ENO1: variants seen among roughly 807,000 people sequenced by gnomAD.
ENO1 encodes alpha-enolase.
A neutral mutation model predicts 46.3 loss-of-function variants in ENO1; 33 were observed. That is an observed-to-expected ratio of 0.71 (90% CI 0.54 to 0.95). The LOEUF (loss-of-function observed/expected upper bound fraction) is 0.95, where lower values mean the gene tolerates loss of function less well. Ranked by LOEUF, ENO1 falls within the 40% of genes least tolerant of loss-of-function variation. The pLI is 0.00. For synonymous variants in ENO1, 220 were observed against 216.0 expected (o/e 1.02, Z -0.16); for missense variants, 488 against 553.3 (o/e 0.88, Z 1.18).
intron 3 of ENO1, chr1:8,870,743 A>G (rs769465985): frequency 5.8e-5 from 83 of 1,427,102 alleles, no homozygotes; most frequent in Non-Finnish European, 7.4e-5. Flanking sequence ...CAGCTGGCTC[A>G]GAACGATCTG....
intron 1 of ENO1, chr1:8,876,400 TA>T (rs2124110554): frequency 6.6e-6 from 1 of 152,366 alleles, no homozygotes; most frequent in Non-Finnish European, 1.5e-5. Flanking sequence ...TTTTTAGATT[TA>T]ATTTTGCGTT....
intron 8 of ENO1, among the ~76,000 whole-genome samples, chr1:8,864,824 CTG>C (rs1167236283): frequency 4.6e-5 from 7 of 152,190 alleles, no homozygotes; most frequent in African/African-American, 1.7e-4. Flanking sequence ...CCACCATTTG[CTG>C]TGTGCTCTCG....
chr1:8,878,475 G>T (rs1642783838), intron 1 of ENO1, 105 bp downstream of exon 1: 1 of 380,356 alleles, frequency 2.6e-6, no homozygotes, highest in Non-Finnish European at 5.3e-6. Flanking sequence ...ACCCCGCCAC[G>T]CTGGGCCTGC....
intron 2 of ENO1, among the ~76,000 whole-genome samples, chr1:8,872,523 C>A (rs1218127040): frequency 1.5e-5 from 2 of 134,492 alleles, no homozygotes; most frequent in African/African-American, 8.1e-5. Context: ...ACTGGGACTA[C>A]AGCAGCCTGC....
At chr1:8,874,768 T>A (rs1642702451) in intron 2 of ENO1, 56 bp downstream of exon 2, 3 of 1,509,766 alleles carry the variant, frequency 2.0e-6, no homozygotes, top group Admixed American at 4.0e-5. Flanking sequence ...TTGTAGAAAA[T>A]TTTTAAAATG....
chr1:8,866,251 T>A, intron 7 of ENO1, 28 bp downstream of exon 7: 10 of 1,542,926 alleles, frequency 6.5e-6, no homozygotes, highest in Non-Finnish European at 8.8e-6. Flanking sequence ...CAGGGCTGGG[T>A]GGGGGGGCGG....
chr1:8,862,825 C>T (rs763308284), intron 11 of ENO1, 62 bp downstream of exon 11: 1 of 1,582,996 alleles, frequency 6.3e-7, no homozygotes, highest in Non-Finnish European at 8.6e-7. Flanking sequence ...GCAGTGCCTA[C>T]ACTGAGTGCA....
chr1:8,873,043 G>A (rs1642665314), intron 2 of ENO1, among the ~76,000 whole-genome samples: 1 of 152,232 alleles, frequency 6.6e-6, no homozygotes, highest in Non-Finnish European at 1.5e-5. Flanking sequence ...AGTGTTCCCT[G>A]CTGCACTGCA....
At chr1:8,865,943 C>A in intron 7 of ENO1, 1 of 330,920 alleles carries the variant, frequency 3.0e-6, no homozygotes, top group Admixed American at 4.7e-5. Flanking sequence ...GCTAAGCTGC[C>A]CTGCCAGCAG....
chr1:8,874,947 C>T (rs758420499), intron 1 of ENO1, 30 bp from the exon 2 acceptor site: 2 of 1,567,304 alleles, frequency 1.3e-6, no homozygotes, highest in Non-Finnish European at 1.8e-6. Flanking sequence ...TTCATGTTTT[C>T]CATAAGCCAT....
chr1:8,870,364 T>A, intron 4 of ENO1, 88 bp downstream of exon 4: 1 of 1,532,702 alleles, frequency 6.5e-7, no homozygotes, highest in Non-Finnish European at 9.0e-7. Context: ...GCTCTCAGAA[T>A]AAGCTCTTCC....
rs1272655006 is a variant in ENO1, at chr1:8,868,060, A to G, written c.241-3T>C. ...TCTTGTTCTGTGACGTTCAGTTTCT[A>G]CGAGGGAGAGGGGAGAATGAGGGGT... On this transcript the variant is annotated splice_polypyrimidine_tract_variant and splice_region_variant and intron_variant, in intron 4 of 11. Coordinates refer to ENST00000234590, the MANE Select transcript of ENO1 (RefSeq NM_001428.5). The G allele has an allele frequency of 2.5e-6, 4 of 1,613,014 alleles. No homozygotes were observed. The East Asian group carries it at 8.9e-5, about 36-fold the overall frequency.
chr1:8,871,885 G>A lies in ENO1; in HGVS notation c.181+6C>T. 1.2e-6 allele frequency: 2 copies of A among 1,613,414 alleles called. No homozygotes were observed. Among genetic ancestry groups the A allele is most frequent in the Non-Finnish European group, 8.5e-7 (1 of 1,179,840 alleles). On this transcript the variant is annotated splice_donor_region_variant and intron_variant, in intron 3 of 11. Coordinates refer to ENST00000234590, the MANE Select transcript of ENO1 (RefSeq NM_001428.5). ...GAGGCCATGGGCTGTGGGTTCTAAG[G>A]CTTACCCTTCCCCATATAGCGAGTC...
In ENO1 at chr1:8,864,015, C is replaced by G. The variant is rs898817611; in HGVS notation, c.943G>C (p.Val315Leu). The G allele has an allele frequency of 1.9e-6, 3 of 1,614,068 alleles. No individual in the cohort carries two copies. In the African/African-American group the frequency reaches 4.0e-5, roughly 22 times the overall value. Residue 315 changes from valine (V) to leucine (L), a missense_variant, in exon 9 of 12, where the codon GTA (valine) becomes CTA (leucine). Coordinates refer to ENST00000234590, the MANE Select transcript of ENO1 (RefSeq NM_001428.5). Reference protein sequence around the residue: ...QKFTASAGIQVVGDDLTVTNP... With the variant: ...QKFTASAGIQLVGDDLTVTNP... ...GTCACTGTGAGATCATCCCCCACTA[C>G]CTGGATTCCTGCACTGGCTGTGAAC...
Position 8,867,213 on chromosome 1 carries a change from A to G in ENO1, c.348T>C (p.Leu116=). 1.9e-6 allele frequency: 3 copies of G among 1,614,198 alleles called. No individual in the cohort carries two copies. Among genetic ancestry groups the G allele is most frequent in the Non-Finnish European group, 2.5e-6 (3 of 1,180,028 alleles). The change falls in exon 6 of 12, where the codon CTT becomes CTC. Residue 116 remains leucine, a synonymous_variant. Coordinates refer to ENST00000234590, the MANE Select transcript of ENO1 (RefSeq NM_001428.5). The part of the protein sequence containing the change: ...FGANAILGVS[L]AVCKAGAVEK... ...CAACGGCACCAGCTTTGCAGACGGC[A>G]AGGGACACCCCCAGAATGGCGTTCG...
Position 8,871,904 on chromosome 1 carries a change from G to T in ENO1, c.168C>A (p.Arg56=), listed in dbSNP as rs1440458733. 2 of 1,614,016 alleles carry T rather than the reference G, an allele frequency of 1.2e-6. No individual in the cohort carries two copies. Among genetic ancestry groups the T allele is most frequent in the Non-Finnish European group, 1.7e-6 (2 of 1,180,002 alleles). The change falls in exon 3 of 12, where the codon CGC becomes CGA. Residue 56 remains arginine, a synonymous_variant. Transcript: ENST00000234590. Reference sequence around the variant, plus strand: ...TCTAAGGCTTACCCTTCCCCATATAGCGAGTCTTATCATTGTCCCGGAGCT... The same window carrying T: ...TCTAAGGCTTACCCTTCCCCATATATCGAGTCTTATCATTGTCCCGGAGCT... ...ALELRDNDKT[R]YMGKGVSKAV... is the part of the protein sequence containing the mutation.
rs775343507 is a variant in ENO1 at position 8,867,294 on chromosome 1, C to A, written c.311-44G>T. Reference sequence around the variant, plus strand: ...GAGTGGAATGAAGTCATTTCTGATTCACCAGCTTTTCTCCTGCTGTACTGC... The same window carrying A: ...GAGTGGAATGAAGTCATTTCTGATTAACCAGCTTTTCTCCTGCTGTACTGC... On this transcript the variant is annotated intron_variant, in intron 5 of 11. Coordinates refer to ENST00000234590, the MANE Select transcript of ENO1 (RefSeq NM_001428.5). The A allele has an allele frequency of 1.9e-6, 3 of 1,608,324 alleles. No individual in the cohort carries two copies. The Admixed American group carries it at 5.0e-5, about 27-fold the overall frequency.
At chr1:8,862,291 C>T (rs1642420081) in intron 11 of ENO1, among the ~76,000 whole-genome samples, 1 of 152,028 alleles carries the variant, frequency 6.6e-6, no homozygotes, top group African/African-American at 2.4e-5. Flanking sequence ...AGCCCTGCGT[C>T]TACTGTTCAC....
chr1:8,863,913 A>G lies in ENO1; in HGVS notation c.1045T>C (p.Ser349Pro), dbSNP rs1210382416. 6.2e-7 allele frequency: 1 copy of G among 1,613,718 alleles called. No homozygotes were observed. Residue 349 changes from serine (S) to proline (P), a missense_variant, in exon 9 of 12, where the codon TCC (serine) becomes CCC (proline). By Grantham distance (74) the Ser-to-Pro change is moderately conservative. Coordinates refer to ENST00000234590, the MANE Select transcript of ENO1 (RefSeq NM_001428.5). ...TACGCCTGAAGAGACTCGGTCACGG[A>G]GCCAATCTGGTTGACTTTGAGCAGG... is the stretch of plus-strand genomic sequence containing the variant. ...CLLLKVNQIG[S>P]VTESLQACKL... is the part of the protein sequence containing the mutation.
Sources: gnomAD v4.1 joint callset for allele counts (sites outside exome capture counted in the v4.1 genomes callset) on GRCh38, gnomAD v4.1.1 for gene constraint, MANE v1.5 for transcripts, NCBI Gene and HGNC (gene_info 2026-07-23, HGNC 2026-07-21) for gene names.